Variants in MCM9 observed in about 807,000 individuals in gnomAD.
The protein encoded by MCM9 is DNA helicase MCM9.
Under a neutral mutation model 72.8 loss-of-function variants are expected in MCM9, and 55 were observed. The ratio of observed to expected loss-of-function variants is 0.76; its 90% CI spans 0.61 to 0.95. MCM9 has a LOEUF of 0.95. Among genes scored for constraint, MCM9 ranks in the 40% least tolerant of loss-of-function variants. MCM9 has a pLI of 0.00. For synonymous variants in MCM9, 480 were observed against 503.4 expected (o/e 0.95, Z 0.62); for missense variants, 1,279 against 1,377.0 (o/e 0.93, Z 1.13).
intron 13 of MCM9, among the ~76,000 whole-genome samples, chr6:118,824,457 C>T (rs993112354): frequency 3.3e-5 from 5 of 151,746 alleles, no homozygotes; most frequent in Non-Finnish European, 2.9e-5. Context: ...TACAGGCGCC[C>T]GCCAACACAC....
At chr6:118,843,662 A>ACACG (rs1332413866) in intron 9 of MCM9, among the ~76,000 whole-genome samples, 1 of 59,682 alleles carries the variant, frequency 1.7e-5, no homozygotes, top group Admixed American at 2.1e-4. Flanking sequence ...ATATGTGTAT[A>ACACG]TATATATGTA....
intron 8 of MCM9, among the ~76,000 whole-genome samples, chr6:118,886,780 C>T (rs1778634896): frequency 2.0e-5 from 3 of 151,908 alleles, no homozygotes; most frequent in Admixed American, 6.6e-5. Context: ...ACAGTGAGAC[C>T]CTAGTCTCTA....
intron 8 of MCM9, among the ~76,000 whole-genome samples, chr6:118,861,935 T>A (rs1012455520): frequency 8.5e-5 from 13 of 152,160 alleles, no homozygotes; most frequent in Non-Finnish European, 1.9e-4. Context: ...CCCAGGCTGT[T>A]CAGGATGAGG....
chr6:118,839,815 C>G lies in MCM9; in HGVS notation c.1326-10565G>C, dbSNP rs146428227. Among the ~76,000 whole-genome samples the G allele has an allele frequency of 5.3e-3, 801 of 152,266 alleles. 8 individuals carry two copies. Among genetic ancestry groups the G allele is most frequent in the African/African-American group, 0.019 (775 of 41,548 alleles). ...TGGAAGCTTTGTCCCAGAGGGGCAC[C>G]CGCCAGATGCCAACCAGAGCTGTCC... On this transcript the variant is annotated intron_variant, in intron 9 of 13. Coordinates refer to ENST00000619706, the MANE Select transcript of MCM9 (RefSeq NM_017696.3).
At chr6:118,883,910 G>A (rs992099918) in intron 8 of MCM9, among the ~76,000 whole-genome samples, 9 of 152,106 alleles carry the variant, frequency 5.9e-5, no homozygotes, top group Non-Finnish European at 1.3e-4. Context: ...ACTGGCAAAG[G>A]TAATTATGTA....
chr6:118,932,561 T>TAC (rs894899324), intron 2 of MCM9, 46 bp downstream of exon 2: 39 of 958,184 alleles, frequency 4.1e-5, no homozygotes, highest in Non-Finnish European at 3.1e-5. Flanking sequence ...TCTTTAGTTA[T>TAC]ACACACACAC....
rs146570187 is a variant in MCM9, at chr6:118,911,749, C to A, written c.1051G>T (p.Val351Phe). 1.9e-5 allele frequency: 30 copies of A among 1,612,174 alleles called. No homozygotes were observed. The highest frequency in any genetic ancestry group is 5.0e-5 in the Admixed American group (3 of 59,760). The change falls in exon 8 of 14, where the codon GTT (valine) becomes TTT (phenylalanine). Residue 351 changes from valine to phenylalanine, a missense_variant. Transcript: ENST00000619706. ...GATTTCCCTGTGCCAGGATCCCCAA[C>A]CAATAAAAGATGAGATTCTCCTAGG... Reference protein sequence around the residue: ...RVRGESHLLLVGDPGTGKSQF... With the variant: ...RVRGESHLLLFGDPGTGKSQF...
intron 13 of MCM9, among the ~76,000 whole-genome samples, chr6:118,818,118 A>G (rs536247508): frequency 4.0e-4 from 61 of 152,098 alleles, no homozygotes; most frequent in Non-Finnish European, 7.6e-4. Flanking sequence ...GCTGAGCTGA[A>G]GCTCTTTGGT....
rs1269077164 is a variant in MCM9, at chr6:118,814,661, A to G, written c.*163T>C. Reference sequence around the variant, plus strand: ...AACTGATTATACAACTTTTTAAGTCATGAAGATTAACCTGAAATTAGAAAG... The same window carrying G: ...AACTGATTATACAACTTTTTAAGTCGTGAAGATTAACCTGAAATTAGAAAG... On this transcript the variant is annotated 3_prime_UTR_variant, in exon 14 of 14. Coordinates refer to ENST00000619706, the MANE Select transcript of MCM9 (RefSeq NM_017696.3). 1 of 612,426 alleles carries G rather than the reference A, an allele frequency of 1.6e-6. No individual in the cohort carries two copies. Among genetic ancestry groups the G allele is most frequent in the East Asian group, 3.0e-5 (1 of 33,818 alleles). 37.9% of individuals were successfully genotyped at this position (612,426 alleles called of 1,614,324 possible).
Position 118,855,308 on chromosome 6 carries a change from G to A in MCM9, c.1325+1063C>T, listed in dbSNP as rs575274462. Among the ~76,000 whole-genome samples the A allele has an allele frequency of 9.9e-5, 15 of 152,176 alleles. No homozygotes were observed. In the South Asian group the frequency reaches 1.7e-3, roughly 17 times the overall value. ...ATAACACTTCTATTGTGGACTTATC[G>A]CTTTGCTGTCATTTTTATCTATCTT... On this transcript the variant is annotated intron_variant, in intron 9 of 13. Coordinates refer to ENST00000619706, the MANE Select transcript of MCM9 (RefSeq NM_017696.3).
chr6:118,922,624 T>C (rs1355592688), intron 4 of MCM9, among the ~76,000 whole-genome samples: 1 of 152,172 alleles, frequency 6.6e-6, no homozygotes, highest in African/African-American at 2.4e-5. Flanking sequence ...AAGTGGAGAA[T>C]TGGTTAGGTG....
rs200408257 is a variant in MCM9 at position 118,827,983 on chromosome 6, C to T, written c.1676G>A (p.Arg559Gln). The change falls in exon 11 of 14, where the codon CGG (arginine) becomes CAG (glutamine). Residue 559 changes from arginine to glutamine, a missense_variant. Coordinates refer to ENST00000619706, the MANE Select transcript of MCM9 (RefSeq NM_017696.3). ...YYQMQRQSDC[R>Q]NAARTTIRLL... ...CCGAATGGTGGTCCGGGCAGCGTTC[C>T]GGCAATCACTCTGCCTTTGCATCTG... 2.1e-4 allele frequency: 329 copies of T among 1,550,974 alleles called. No individual in the cohort carries two copies. Among genetic ancestry groups the T allele is most frequent in the Admixed American group, 3.3e-4 (17 of 51,002 alleles).
At chr6:118,895,807 A>G (rs959489569) in intron 8 of MCM9, among the ~76,000 whole-genome samples, 2 of 152,196 alleles carry the variant, frequency 1.3e-5, no homozygotes, top group African/African-American at 4.8e-5. Context: ...AATGCATTGA[A>G]GATGATTTAG....
At chr6:118,897,118 G>A (rs970302601) in intron 8 of MCM9, among the ~76,000 whole-genome samples, 7 of 152,028 alleles carry the variant, frequency 4.6e-5, no homozygotes, top group Non-Finnish European at 7.4e-5. Flanking sequence ...TGATTATAGT[G>A]AGCCCACTGC....
At chr6:118,933,411 C>T (rs1447497527) in intron 1 of MCM9, among the ~76,000 whole-genome samples, 1 of 151,476 alleles carries the variant, frequency 6.6e-6, no homozygotes, top group Admixed American at 6.6e-5. Context: ...GAGGCTGAGG[C>T]AGGAGAATGG....
At chr6:118,819,904 G>C (rs1773678485) in intron 13 of MCM9, among the ~76,000 whole-genome samples, 1 of 152,168 alleles carries the variant, frequency 6.6e-6, no homozygotes, top group Non-Finnish European at 1.5e-5. Context: ...TAACTTATCT[G>C]CATAGAGTTG....
chr6:118,925,905 T>TA lies in MCM9; in HGVS notation c.305-1779dup, dbSNP rs571687385. 2.6e-5 allele frequency among the ~76,000 whole-genome samples: 4 copies of TA among 151,786 alleles called. No homozygotes were observed. In the South Asian group the frequency reaches 6.2e-4, roughly 24 times the overall value. On this transcript the variant is annotated intron_variant, in intron 3 of 13. Transcript: ENST00000619706. The stretch of plus-strand genomic sequence containing the variant: ...TATTTTGCTCCCTACATGAATACTT[T>TA]AAAAAAAATATGAATACTTAAAAAA...
intron 4 of MCM9, among the ~76,000 whole-genome samples, chr6:118,923,029 C>CAAGAA (rs1781561960): frequency 2.3e-5 from 1 of 43,524 alleles, no homozygotes; most frequent in Non-Finnish European, 5.1e-5. Context: ...AACTCCATCT[C>CAAGAA]AAAAAAAAAA....
At chr6:118,902,503 C>A (rs1026164901) in intron 8 of MCM9, among the ~76,000 whole-genome samples, 5 of 150,702 alleles carry the variant, frequency 3.3e-5, no homozygotes, top group African/African-American at 1.2e-4. Flanking sequence ...GTAAAAGAAA[C>A]CTGGGTTGAC....
Sources: allele counts gnomAD v4.1 joint callset (sites outside exome capture counted in the v4.1 genomes callset), GRCh38; gene constraint gnomAD v4.1.1; transcripts MANE v1.5; gene names NCBI Gene and HGNC (gene_info 2026-07-23, HGNC 2026-07-21).